The following RBM39 variants were observed in gnomAD, a reference collection of about 807,000 sequenced individuals.
The protein encoded by RBM39 is RNA-binding protein 39.
A neutral mutation model predicts 79.6 loss-of-function variants in RBM39; 12 were observed. The observed-to-expected ratio is 0.15, with a 90% CI of 0.10 to 0.24. The LOEUF is 0.24. RBM39 is among the 10% of genes least tolerant of loss of function. RBM39 has a pLI of 1.00. For missense variants in RBM39, 243 were observed against 653.4 expected (o/e 0.37, Z 6.85); for synonymous variants, 185 against 208.4 (o/e 0.89, Z 0.97).
chr20:35,731,926 A>G lies in RBM39; in HGVS notation c.296+15T>C. On this transcript the variant is annotated intron_variant, in intron 4 of 16. Transcript: ENST00000253363. Reference sequence around the variant, plus strand: ...GAATAACCCTCAAACCAAAATCATAACTATAGTTACATACTAAGGACTTCT... The same window carrying G: ...GAATAACCCTCAAACCAAAATCATAGCTATAGTTACATACTAAGGACTTCT... 6.2e-7 allele frequency: 1 copy of G among 1,610,824 alleles called. No individual in the cohort carries two copies. Among genetic ancestry groups the G allele is most frequent in the Non-Finnish European group, 8.5e-7 (1 of 1,178,544 alleles).
chr20:35,704,761 A>T lies in RBM39; in HGVS notation c.1414-15T>A. 1 of 1,600,306 alleles carries T rather than the reference A, an allele frequency of 6.2e-7. No homozygotes were observed. Among genetic ancestry groups the T allele is most frequent in the Non-Finnish European group, 8.5e-7 (1 of 1,171,994 alleles). ...TACACATTGCCCTACAGAAAAAATG[A>T]AAAAAAAGGTAAAGATGTTGCTGTA... On this transcript the variant is annotated splice_polypyrimidine_tract_variant and intron_variant, in intron 15 of 16. Transcript: ENST00000253363.
At chr20:35,719,279 G>A (rs78801817) in intron 9 of RBM39, among the ~76,000 whole-genome samples, 1,542 of 149,892 alleles carry the variant, frequency 0.01, 16 homozygotes, top group African/African-American at 0.036. Context: ...TGATCCACCC[G>A]ACTCGGCCCC....
chr20:35,709,368 T>TATTTTTTATTTTTGTC, intron 12 of RBM39, 94 bp from the exon 13 acceptor site: 1 of 1,059,686 alleles, frequency 9.4e-7, no homozygotes, highest in Non-Finnish European at 1.4e-6. Flanking sequence ...GCAGGGTTCA[T>TATTTTTTATTTTTGTC]TCAAATGCAC....
intron 4 of RBM39, 151 bp from the exon 5 acceptor site, chr20:35,729,678 T>G (rs1223834997): frequency 1.5e-6 from 1 of 686,532 alleles, no homozygotes; most frequent in African/African-American, 1.8e-5. Context: ...TCTCTTAACT[T>G]TATTCCCAGG....
intron 3 of RBM39, among the ~76,000 whole-genome samples, chr20:35,735,962 T>C (rs955513244): frequency 1.3e-5 from 2 of 152,142 alleles, no homozygotes; most frequent in African/African-American, 4.8e-5. Flanking sequence ...AATCAGCTTA[T>C]ACACAGGATA....
At chr20:35,735,041 T>G in intron 3 of RBM39, 1 of 1,586,052 alleles carries the variant, frequency 6.3e-7, no homozygotes, top group Non-Finnish European at 8.5e-7. Flanking sequence ...GGATTTGACC[T>G]CTTCCATGTA....
rs878967656 is a variant in RBM39 at position 35,707,128 on chromosome 20, G to A, written c.1299C>T (p.Asn433=). 5 of 1,591,504 alleles carry A rather than the reference G, an allele frequency of 3.1e-6. No individual in the cohort carries two copies. The highest frequency in any genetic ancestry group is 3.4e-5 in the Admixed American group (2 of 59,212). The change falls in exon 14 of 17, where the codon AAC becomes AAT. Residue 433 remains asparagine, a synonymous_variant. Transcript: ENST00000253363. ...TQCFQLSNMF[N]PQTEEEVGWD... is the part of the protein sequence containing the mutation. ...TAAAGTCCATTACTTACGTTTGAGG[G>A]TTAAACATGTTAGAGAGTTGGAAAC...
intron 13 of RBM39, among the ~76,000 whole-genome samples, chr20:35,708,558 AACATG>A (rs2036031604): frequency 6.6e-6 from 1 of 151,866 alleles, no homozygotes; most frequent in Non-Finnish European, 1.5e-5. Context: ...ACTGTGATGG[AACATG>A]ACATATCTTT....
At chr20:35,709,193 AAAAAT>A in intron 13 of RBM39, 26 bp downstream of exon 13, 1 of 1,559,504 alleles carries the variant, frequency 6.4e-7, no homozygotes, top group Non-Finnish European at 8.7e-7. Flanking sequence ...TTTCAAAGAC[AAAAAT>A]AAAAAATATG....
intron 9 of RBM39, among the ~76,000 whole-genome samples, chr20:35,718,954 G>A (rs1010288104): frequency 2.6e-5 from 4 of 151,814 alleles, no homozygotes; most frequent in South Asian, 4.2e-4. Flanking sequence ...GGGTGACAGC[G>A]CAGGACTCAG....
Position 35,731,682 on chromosome 20 carries a change from G to A in RBM39, c.296+259C>T, listed in dbSNP as rs1183392934. On this transcript the variant is annotated intron_variant, in intron 4 of 16. Coordinates refer to ENST00000253363, the MANE Select transcript of RBM39 (RefSeq NM_184234.3). ...ACTCTAGTGCTTTCATCCAGTTTGC[G>A]TTGACTGGCATACAATTTAGAAACT... 2.3e-5 allele frequency: 11 copies of A among 483,794 alleles called. No individual in the cohort carries two copies. The East Asian group carries it at 2.9e-4, about 13-fold the overall frequency. 30.0% of individuals were successfully genotyped at this position (483,794 alleles called of 1,614,324 possible). A position where few individuals can be genotyped will look rare whatever the true frequency, so the allele number is the denominator to read the frequency against.
chr20:35,706,644 T>C (rs1323193308), intron 14 of RBM39, among the ~76,000 whole-genome samples: 1 of 152,146 alleles, frequency 6.6e-6, no homozygotes, highest in Non-Finnish European at 1.5e-5. Flanking sequence ...TAATAGTTAT[T>C]AGCATCCTAA....
chr20:35,705,393 T>C lies in RBM39; in HGVS notation c.1308-63A>G, dbSNP rs945935908. 8.6e-6 allele frequency: 8 copies of C among 931,032 alleles called. No individual in the cohort carries two copies. The African/African-American group carries it at 1.2e-4, about 14-fold the overall frequency. The allele number at this position is 931,032 out of a possible 1,614,324, so 57.7% of individuals were successfully genotyped here. The stretch of plus-strand genomic sequence containing the variant: ...AACTAACAAACTATATATTTACAAA[T>C]GTATCAAAAAATTTAAATATTCTAT... On this transcript the variant is annotated intron_variant, in intron 14 of 16. Transcript: ENST00000253363.
intron 3 of RBM39, among the ~76,000 whole-genome samples, chr20:35,738,494 TC>T (rs2040213418): frequency 6.6e-6 from 1 of 152,224 alleles, no homozygotes; most frequent in African/African-American, 2.4e-5. Context: ...AAGTACCTGT[TC>T]CATCACTTCC....
Position 35,734,347 on chromosome 20 carries a change from T to A in RBM39, c.102-2212A>T, listed in dbSNP as rs1240913395. ...AATTAGGCTACACTCATTATTTATATAGAACTCATCAAAGCCATGCCCAGA... is the reference window on the plus strand; with the variant it reads ...AATTAGGCTACACTCATTATTTATAAAGAACTCATCAAAGCCATGCCCAGA... On this transcript the variant is annotated intron_variant, in intron 3 of 16. Transcript: ENST00000253363. 2.7e-5 allele frequency: 19 copies of A among 705,052 alleles called. 1 individual carries two copies. Among genetic ancestry groups the A allele is most frequent in the South Asian group, 2.6e-4 (17 of 64,474 alleles). 43.7% of individuals were successfully genotyped at this position (705,052 alleles called of 1,614,324 possible). A position where few individuals can be genotyped will look rare whatever the true frequency, so the allele number is the denominator to read the frequency against.
At chr20:35,707,226 G>C in intron 13 of RBM39, 25 bp from the exon 14 acceptor site, 1 of 1,549,872 alleles carries the variant, frequency 6.5e-7, no homozygotes, top group Non-Finnish European at 8.9e-7. Flanking sequence ...AGAAAAATTA[G>C]TTTCATGGAA....
At chr20:35,720,255 G>C (rs2037735176) in intron 9 of RBM39, among the ~76,000 whole-genome samples, 1 of 152,128 alleles carries the variant, frequency 6.6e-6, no homozygotes, top group Non-Finnish European at 1.5e-5. Flanking sequence ...TCTTGGTTTA[G>C]GTAGATAGCA....
intron 6 of RBM39, among the ~76,000 whole-genome samples, chr20:35,728,621 A>C (rs571760815): frequency 6.6e-6 from 1 of 152,284 alleles, no homozygotes; most frequent in Non-Finnish European, 1.5e-5. Context: ...TACTTAAAAT[A>C]CAAAAATTTG....
At position 35,739,024 on chromosome 20, in the gene RBM39, A is replaced by C. The variant is rs1243781836; in HGVS notation, c.52-7T>G. 1 of 1,610,112 alleles carries C rather than the reference A, an allele frequency of 6.2e-7. No individual in the cohort carries two copies. On this transcript the variant is annotated splice_region_variant and splice_polypyrimidine_tract_variant and intron_variant, in intron 2 of 16. Coordinates refer to ENST00000253363, the MANE Select transcript of RBM39 (RefSeq NM_184234.3). The stretch of plus-strand genomic sequence containing the variant: ...TGCTCAACTTGTTCTCATCCTAAGC[A>C]GGGTTGATAGAAGAACATCATGAGG...
Sources: gnomAD v4.1 joint callset for allele counts (sites outside exome capture counted in the v4.1 genomes callset) on GRCh38, gnomAD v4.1.1 for gene constraint, MANE v1.5 for transcripts, NCBI Gene and HGNC (gene_info 2026-07-23, HGNC 2026-07-21) for gene names.